Variants in WNT9B observed in about 807,000 individuals in gnomAD.
WNT9B encodes the protein Wnt family member 9B.
WNT9B carries 12 observed loss-of-function variants against 30.2 expected under a neutral mutation model. The ratio of observed to expected loss-of-function variants is 0.40; its 90% CI spans 0.26 to 0.64. The LOEUF (loss-of-function observed/expected upper bound fraction) is 0.64. Ranked by LOEUF, WNT9B falls within the 30% of genes least tolerant of loss-of-function variation. WNT9B has a pLI of 0.42. For synonymous variants in WNT9B, 218 were observed against 216.9 expected (o/e 1.01, Z -0.05); for missense variants, 442 against 485.2 (o/e 0.91, Z 0.84).
upstream of WNT9B, among the ~76,000 whole-genome samples, chr17:46,847,063 A>G (rs2084784286): frequency 6.6e-6 from 1 of 152,236 alleles, no homozygotes. Flanking sequence ...TTCATTATAA[A>G]TGTCAAACAT....
intron 1 of WNT9B, among the ~76,000 whole-genome samples, chr17:46,837,154 G>C (rs372396522): frequency 6.6e-6 from 1 of 152,156 alleles, no homozygotes; most frequent in Non-Finnish European, 1.5e-5. Flanking sequence ...TGTTGGCCAG[G>C]CTGGTCTTGA....
At chr17:46,836,469 T>C (rs915743816) in intron 1 of WNT9B, among the ~76,000 whole-genome samples, 9 of 152,122 alleles carry the variant, frequency 5.9e-5, no homozygotes, top group African/African-American at 1.4e-4. Context: ...ACTTTGAATA[T>C]CTTTGTGTTT....
intron 2 of WNT9B, among the ~76,000 whole-genome samples, chr17:46,873,086 T>TCACACACACA (rs61118325): frequency 4.3e-4 from 60 of 139,914 alleles, no homozygotes; most frequent in African/African-American, 1.5e-3. Context: ...CTCTGCCTCT[T>TCACACACACA]CACACACACA....
At position 46,851,866 on chromosome 17, in the gene WNT9B, C is replaced by T. The variant is rs1598837341; in HGVS notation, c.77+151C>T. On this transcript the variant is annotated intron_variant, in intron 1 of 3. Transcript: ENST00000290015. The surrounding 1 kb of genome is among the most constrained non-coding windows in gnomAD (Gnocchi z 4.3). ...GCCCGGCGCGACCCAACCCACTTCG[C>T]AGTCGGAGTTCGCGCCCTGAGTTCG... The T allele has an allele frequency of 2.6e-6, 1 of 387,910 alleles. No homozygotes were observed. Among genetic ancestry groups the T allele is most frequent in the Non-Finnish European group, 4.5e-6 (1 of 223,154 alleles). 24.0% of individuals were successfully genotyped at this position (387,910 alleles called of 1,614,324 possible).
intron 1 of WNT9B, among the ~76,000 whole-genome samples, chr17:46,842,027 C>T (rs913895965): frequency 3.9e-5 from 6 of 152,132 alleles, no homozygotes; most frequent in African/African-American, 1.4e-4. Context: ...GTGGCGCCCT[C>T]GGCGGGGCCT....
exon 1 of WNT9B, chr17:46,833,395 A>G (rs758985700): frequency 1.2e-5 from 6 of 518,540 alleles, no homozygotes; most frequent in South Asian, 8.4e-5. Flanking sequence ...CAAGGCCTGA[A>G]TGCCAGTCCT....
Position 46,851,782 on chromosome 17 carries a change from G to A in WNT9B, c.77+67G>A, listed in dbSNP as rs113394107. ...TGTCTCTCCCTCCTGCGCTACAGCT[G>A]GGCCAATTTTTCCCTCCCGCTGTCC... On this transcript the variant is annotated intron_variant, in intron 1 of 3. Coordinates refer to ENST00000290015, the MANE Select transcript of WNT9B (RefSeq NM_003396.3). This position sits in a 1 kb window ranked among gnomAD's most constrained non-coding sequence, Gnocchi z 4.3. 6.2e-4 allele frequency: 546 copies of A among 878,070 alleles called. 2 individuals carry two copies. The African/African-American group carries it at 8.5e-3, about 14-fold the overall frequency. 54.4% of individuals were successfully genotyped at this position (878,070 alleles called of 1,614,324 possible). A position where few individuals can be genotyped will look rare whatever the true frequency, so the allele number is the denominator to read the frequency against.
At chr17:46,885,309 A>AT (rs34009460), downstream of WNT9B, 70,316 of 208,868 alleles carry the variant, frequency 0.34, 9,673 homozygotes, top group African/African-American at 0.41. Context: ...CCTGGCCAGC[A>AT]TTTTTTTTTT....
At position 46,851,950 on chromosome 17, in the gene WNT9B, G is replaced by C. The variant is rs115465148; in HGVS notation, c.77+235G>C. Among the ~76,000 whole-genome samples, 29,787 of 151,802 alleles carry C rather than the reference G, an allele frequency of 0.2. 3,560 individuals are homozygous for C. The highest frequency in any genetic ancestry group is 0.5 in the East Asian group (2,543 of 5,134). On this transcript the variant is annotated intron_variant, in intron 1 of 3. Coordinates refer to ENST00000290015, the MANE Select transcript of WNT9B (RefSeq NM_003396.3). This position sits in a 1 kb window ranked among gnomAD's most constrained non-coding sequence, Gnocchi z 4.3. ...CTGTTCAGTGTCCGAGTCTCTGGTCGCCCCCCAGCCGCCGCTCTCCTCATC... is the reference window on the plus strand; with the variant it reads ...CTGTTCAGTGTCCGAGTCTCTGGTCCCCCCCCAGCCGCCGCTCTCCTCATC...
chr17:46,874,918 A>C, intron 2 of WNT9B, 183 bp from the exon 3 acceptor site: 1 of 889,218 alleles, frequency 1.1e-6, no homozygotes, highest in East Asian at 2.4e-5. Flanking sequence ...TCAGAATTTA[A>C]GGGGCAGTTG....
intron 2 of WNT9B, among the ~76,000 whole-genome samples, chr17:46,873,738 T>C (rs1488827905): frequency 1.3e-5 from 2 of 150,668 alleles, no homozygotes; most frequent in African/African-American, 5.0e-5. Context: ...CCGGTTGCCA[T>C]GGCTCACACC....
intron 1 of WNT9B, among the ~76,000 whole-genome samples, chr17:46,865,140 C>G (rs2085110323): frequency 2.0e-5 from 3 of 152,162 alleles, no homozygotes; most frequent in African/African-American, 2.4e-5. Flanking sequence ...TCAGCCCGAG[C>G]CTGAGTGGAG....
At chr17:46,847,127 C>T (rs1180943692), upstream of WNT9B, among the ~76,000 whole-genome samples, 1 of 152,190 alleles carries the variant, frequency 6.6e-6, no homozygotes, top group Non-Finnish European at 1.5e-5. Context: ...TTTCTTACCC[C>T]ACACTCCCAA....
At chr17:46,854,020 A>T (rs746000973) in intron 1 of WNT9B, among the ~76,000 whole-genome samples, 1 of 152,144 alleles carries the variant, frequency 6.6e-6, no homozygotes, top group Non-Finnish European at 1.5e-5. Context: ...AGGGATGAGT[A>T]TCGGAGCCAC....
At chr17:46,853,014 C>T (rs1327145056) in intron 1 of WNT9B, among the ~76,000 whole-genome samples, 2 of 152,170 alleles carry the variant, frequency 1.3e-5, no homozygotes, top group African/African-American at 4.8e-5. Flanking sequence ...GCCTCACTTT[C>T]TCCTTTTGTA....
Position 46,851,748 on chromosome 17 carries a change from CG to C in WNT9B, c.77+35del. 1 of 1,175,302 alleles carries C rather than the reference CG, an allele frequency of 8.5e-7. No individual in the cohort carries two copies. Among genetic ancestry groups the C allele is most frequent in the Non-Finnish European group, 1.1e-6 (1 of 926,652 alleles). The allele number at this position is 1,175,302 out of a possible 1,614,324, so 72.8% of individuals were successfully genotyped here. A position where few individuals can be genotyped will look rare whatever the true frequency, so the allele number is the denominator to read the frequency against. On this transcript the variant is annotated intron_variant, in intron 1 of 3. Coordinates refer to ENST00000290015, the MANE Select transcript of WNT9B (RefSeq NM_003396.3). This position sits in a 1 kb window ranked among gnomAD's most constrained non-coding sequence, Gnocchi z 4.3. ...CCCGCCGCGCCCCCCGCCCGCTCCC[CG>C]GCCTGCCTGTCTCTCCCTCCTGCGC...
chr17:46,866,402 G>C (rs927669059), intron 1 of WNT9B, among the ~76,000 whole-genome samples: 6 of 151,976 alleles, frequency 3.9e-5, no homozygotes, highest in African/African-American at 1.5e-4. Context: ...ATGTGTGAGA[G>C]TGTGCATGAG....
At chr17:46,867,045 A>G (rs2085151968) in intron 1 of WNT9B, among the ~76,000 whole-genome samples, 1 of 152,184 alleles carries the variant, frequency 6.6e-6, no homozygotes. Flanking sequence ...TGGTACCAGG[A>G]GTTCTGATCT....
At chr17:46,854,711 G>A (rs113111148) in intron 1 of WNT9B, among the ~76,000 whole-genome samples, 7,245 of 152,048 alleles carry the variant, frequency 0.048, 586 homozygotes, top group African/African-American at 0.16. Flanking sequence ...ACCCAGGCTG[G>A]GTGCAGTGTC....
Sources: gnomAD v4.1 joint callset for allele counts (sites outside exome capture counted in the v4.1 genomes callset) on GRCh38, gnomAD v4.1.1 for gene constraint, Gnocchi (gnomAD v3.1) non-coding constraint, MANE v1.5 for transcripts, NCBI Gene and HGNC (gene_info 2026-07-23, HGNC 2026-07-21) for gene names.